The following GNA15 variants were observed in gnomAD, a reference collection of about 807,000 sequenced individuals.
GNA15 encodes guanine nucleotide-binding protein subunit alpha-15.
GNA15 carries 23 observed loss-of-function variants against 40.1 expected under a neutral mutation model. The observed-to-expected ratio is 0.57, with a 90% CI of 0.41 to 0.81. The LOEUF is 0.81. GNA15 is among the 40% of genes least tolerant of loss of function. The probability of loss-of-function intolerance (pLI) is 0.00; values close to 1 mark genes in which losing one functional copy is unlikely to be tolerated. For synonymous variants in GNA15, 226 were observed against 210.4 expected (o/e 1.07, Z -0.64); for missense variants, 522 against 515.8 (o/e 1.01, Z -0.12).
chr19:3,138,122 C>T (rs946822258), intron 1 of GNA15, among the ~76,000 whole-genome samples: 6 of 150,896 alleles, frequency 4.0e-5, no homozygotes, highest in South Asian at 2.1e-4. Context: ...AAAAATTAGC[C>T]GGGTGTGGTG....
rs72983041 is a variant in GNA15, at chr19:3,157,889, A to G, written c.898+8A>G. 262,336 of 1,600,806 alleles carry G rather than the reference A, an allele frequency of 0.16. 23,209 individuals carry two copies. The highest frequency in any genetic ancestry group is 0.2 in the African/African-American group (14,691 of 74,642). Reference sequence around the variant, plus strand: ...ATTTCCCCAGTTTCCAGGGTAAGTAATTCTAGAACTTTCTATACCCTTCAA... The same window carrying G: ...ATTTCCCCAGTTTCCAGGGTAAGTAGTTCTAGAACTTTCTATACCCTTCAA... On this transcript the variant is annotated splice_region_variant and intron_variant, in intron 6 of 6. Coordinates refer to ENST00000262958, the MANE Select transcript of GNA15 (RefSeq NM_002068.4).
Position 3,150,211 on chromosome 19 carries a change from G to T in GNA15, c.411G>T (p.Trp137Cys). The T allele has an allele frequency of 6.2e-7, 1 of 1,612,080 alleles. No homozygotes were observed. Among genetic ancestry groups the T allele is most frequent in the African/African-American group, 1.3e-5 (1 of 74,966 alleles). The change falls in exon 3 of 7, where the codon TGG (tryptophan) becomes TGT (cysteine). Residue 137 changes from tryptophan (W) to cysteine (C), a missense_variant. Coordinates refer to ENST00000262958, the MANE Select transcript of GNA15 (RefSeq NM_002068.4). Reference sequence around the variant, plus strand: ...AGCGCTACGCTGCGGCCATGCAGTGGCTGTGGAGGGATGCCGGCATCCGGG... The same window carrying T: ...AGCGCTACGCTGCGGCCATGCAGTGTCTGTGGAGGGATGCCGGCATCCGGG... ...FEKRYAAAMQ[W>C]LWRDAGIRAC...
intron 3 of GNA15, 34 bp downstream of exon 3, chr19:3,150,319 G>T: frequency 6.6e-7 from 1 of 1,511,650 alleles, no homozygotes; most frequent in South Asian, 1.3e-5. Context: ...TGGGCGCGTG[G>T]GGAGGGGCTG....
intron 1 of GNA15, among the ~76,000 whole-genome samples, chr19:3,145,156 G>C (rs761622648): frequency 4.9e-4 from 72 of 145,660 alleles, no homozygotes; most frequent in African/African-American, 1.7e-3. Flanking sequence ...CCCAGCCCTA[G>C]TTTTTAATTT....
chr19:3,156,203 C>CG (rs1555707138), intron 5 of GNA15, among the ~76,000 whole-genome samples: 9,502 of 125,932 alleles, frequency 0.075, 851 homozygotes, highest in African/African-American at 0.22. Flanking sequence ...CACACACACA[C>CG]TACAGTGCAC....
intron 4 of GNA15, among the ~76,000 whole-genome samples, chr19:3,154,755 A>G (rs1914972469): frequency 6.7e-6 from 1 of 149,240 alleles, no homozygotes; most frequent in Non-Finnish European, 1.5e-5. Context: ...GGATGGGTGG[A>G]TGGATGAGTG....
Position 3,162,779 on chromosome 19 carries a change from C to T in GNA15, c.899-14C>T, listed in dbSNP as rs778212576. 19 of 1,596,258 alleles carry T rather than the reference C, an allele frequency of 1.2e-5. No homozygotes were observed. In the African/African-American group the frequency reaches 2.3e-4, roughly 19 times the overall value. ...AGGGAGGGTCCTCACCCCCTTCCCA[C>T]ACTGTTTCCCCAGGCCCTAAGCAGG... On this transcript the variant is annotated splice_polypyrimidine_tract_variant and intron_variant, in intron 6 of 6. Coordinates refer to ENST00000262958, the MANE Select transcript of GNA15 (RefSeq NM_002068.4).
rs1914788889 is a variant in GNA15, at chr19:3,148,527, G to T, written c.146-64G>T. 2.7e-6 allele frequency: 4 copies of T among 1,462,762 alleles called. No homozygotes were observed. The South Asian group carries it at 4.0e-5, about 15-fold the overall frequency. 90.6% of individuals were successfully genotyped at this position (1,462,762 alleles called of 1,614,324 possible). On this transcript the variant is annotated intron_variant, in intron 1 of 6. Coordinates refer to ENST00000262958, the MANE Select transcript of GNA15 (RefSeq NM_002068.4). ...GTGGAGTTGGGGGTGTCTGACGTGGGGTTGGGGGTGTCGGGGGTGGGAGTC... is the reference window on the plus strand; with the variant it reads ...GTGGAGTTGGGGGTGTCTGACGTGGTGTTGGGGGTGTCGGGGGTGGGAGTC...
intron 5 of GNA15, among the ~76,000 whole-genome samples, chr19:3,156,429 ATG>A (rs1491326694): frequency 2.7e-5 from 4 of 149,636 alleles, no homozygotes; most frequent in East Asian, 3.9e-4. Flanking sequence ...GAACACACAC[ATG>A]CACACACACA....
At chr19:3,157,638 C>T in intron 5 of GNA15, 90 bp from the exon 6 acceptor site, 1 of 1,194,572 alleles carries the variant, frequency 8.4e-7, no homozygotes, top group South Asian at 1.3e-5. Flanking sequence ...GCCCATGCCC[C>T]TGGAGCCAAC....
chr19:3,151,633 G>A lies in GNA15; in HGVS notation c.486-74G>A, dbSNP rs200364750. On this transcript the variant is annotated intron_variant, in intron 3 of 6. Coordinates refer to ENST00000262958, the MANE Select transcript of GNA15 (RefSeq NM_002068.4). The surrounding 1 kb of genome is among the most constrained non-coding windows in gnomAD (Gnocchi z 5.0). ...CTCCTCCCCCAGCAGGGTCCTTGCT[G>A]GGCCTTTCGTAGGGCCTGGGAAGCA... The A allele has an allele frequency of 0.015, 21,571 of 1,472,884 alleles. 242 individuals are homozygous for A. The highest frequency in any genetic ancestry group is 0.02 in the South Asian group (1,413 of 69,798). 91.2% of individuals were successfully genotyped at this position (1,472,884 alleles called of 1,614,324 possible). A position where few individuals can be genotyped will look rare whatever the true frequency, so the allele number is the denominator to read the frequency against.
intron 1 of GNA15, among the ~76,000 whole-genome samples, chr19:3,147,547 TA>T (rs60721859): frequency 1.2e-4 from 6 of 51,462 alleles, no homozygotes; most frequent in South Asian, 7.0e-4. Context: ...AGAATCTGTC[TA>T]AAAAAAAAGA....
At chr19:3,162,388 G>GAA (rs34612768) in intron 6 of GNA15, among the ~76,000 whole-genome samples, 39 of 148,284 alleles carry the variant, frequency 2.6e-4, no homozygotes, top group Admixed American at 6.7e-4. Flanking sequence ...CCCATCTCAA[G>GAA]AAAAAAAAAA....
chr19:3,144,029 C>T (rs1050117561), intron 1 of GNA15, among the ~76,000 whole-genome samples: 1 of 150,516 alleles, frequency 6.6e-6, no homozygotes, highest in African/African-American at 2.5e-5. Context: ...GAGGCTGAGG[C>T]AGGAGAATGG....
intron 6 of GNA15, 26 bp downstream of exon 6, chr19:3,157,907 C>A: frequency 6.4e-7 from 1 of 1,562,804 alleles, no homozygotes; most frequent in East Asian, 2.2e-5. Flanking sequence ...ACTTTCTATA[C>A]CCTTCAACTC....
At chr19:3,152,993 A>T (rs1914915610) in intron 4 of GNA15, among the ~76,000 whole-genome samples, 1 of 152,052 alleles carries the variant, frequency 6.6e-6, no homozygotes, top group Admixed American at 6.6e-5. Context: ...GGTTGGAAAG[A>T]TGGAATGGGG....
chr19:3,154,153 T>C (rs1914947512), intron 4 of GNA15, among the ~76,000 whole-genome samples: 1 of 143,820 alleles, frequency 7.0e-6, no homozygotes, highest in Non-Finnish European at 1.5e-5. Flanking sequence ...GATAGATGGA[T>C]GGATGGGTGG....
intron 4 of GNA15, among the ~76,000 whole-genome samples, chr19:3,152,895 C>T (rs191008774): frequency 2.6e-5 from 4 of 152,208 alleles, no homozygotes; most frequent in Non-Finnish European, 4.4e-5. Context: ...GATGGAGAGC[C>T]TCACAAGGTT....
In GNA15 at chr19:3,162,789, C is replaced by A. The variant is rs749511217; in HGVS notation, c.899-4C>A. On this transcript the variant is annotated splice_region_variant and splice_polypyrimidine_tract_variant and intron_variant, in intron 6 of 6. Transcript: ENST00000262958. ...CTCACCCCCTTCCCACACTGTTTCC[C>A]CAGGCCCTAAGCAGGATGCTGAGGC... is the stretch of plus-strand genomic sequence containing the variant. 2.5e-6 allele frequency: 4 copies of A among 1,608,498 alleles called. No homozygotes were observed.
Sources: allele counts gnomAD v4.1 joint callset (sites outside exome capture counted in the v4.1 genomes callset), GRCh38; gene constraint gnomAD v4.1.1; non-coding constraint Gnocchi (gnomAD v3.1); transcripts MANE v1.5; gene names NCBI Gene and HGNC (gene_info 2026-07-23, HGNC 2026-07-21).